Variants in CSMD1 observed in about 807,000 individuals in gnomAD.
CSMD1 encodes CUB and sushi domain-containing protein 1.
CSMD1 carries 213 observed loss-of-function variants against 417.5 expected under a neutral mutation model. That is an observed-to-expected ratio of 0.51 (90% confidence interval 0.46 to 0.57). CSMD1 has a LOEUF of 0.57. CSMD1 is among the 20% of genes least tolerant of loss of function. The pLI is 0.00. For synonymous variants in CSMD1, 2,862 were observed against 1,736.8 expected, an observed-to-expected ratio of 1.65 and a Z score of -16.11; for missense variants, 6,923 against 4,529.7, an observed-to-expected ratio of 1.53 and a Z score of -15.17.
rs546967978 is a variant in CSMD1 at position 4,103,768 on chromosome 8, A to C, written c.416-71669T>G. 8.5e-5 allele frequency among the ~76,000 whole-genome samples: 13 copies of C among 152,318 alleles called. No individual in the cohort carries two copies. The East Asian group carries it at 2.5e-3, about 29-fold the overall frequency. On this transcript the variant is annotated intron_variant, in intron 3 of 69. Coordinates refer to ENST00000635120, the MANE Select transcript of CSMD1 (RefSeq NM_033225.6). ...GAAAAGCTGAAACTTCTTATATTAC[A>C]AAAGTTACCTGCTTCAAAACAGAAT...
intron 54 of CSMD1, among the ~76,000 whole-genome samples, chr8:2,997,346 G>T (rs995432537): frequency 1.3e-5 from 2 of 152,218 alleles, no homozygotes; most frequent in African/African-American, 2.4e-5. Flanking sequence ...CTTATTTGAA[G>T]ATAGCTCCCG....
chr8:4,669,307 G>C (rs929675692), intron 1 of CSMD1, among the ~76,000 whole-genome samples: 7 of 152,130 alleles, frequency 4.6e-5, no homozygotes, highest in African/African-American at 7.2e-5. Context: ...ATCCTTACAA[G>C]AAGTTAGCTC....
chr8:4,959,318 AC>A (rs1809325713), intron 1 of CSMD1, among the ~76,000 whole-genome samples: 1 of 152,136 alleles, frequency 6.6e-6, no homozygotes, highest in Non-Finnish European at 1.5e-5. Flanking sequence ...AATTTCTGGG[AC>A]CTTCTTATTC....
chr8:3,085,369 A>G (rs551979632), intron 49 of CSMD1, among the ~76,000 whole-genome samples: 2 of 152,230 alleles, frequency 1.3e-5, no homozygotes, highest in Admixed American at 1.3e-4. Flanking sequence ...GAAAAATGAT[A>G]CTTCTTAAAT....
intron 54 of CSMD1, among the ~76,000 whole-genome samples, chr8:2,982,926 G>C (rs1172969983): frequency 2.6e-5 from 4 of 152,168 alleles, no homozygotes; most frequent in Non-Finnish European, 4.4e-5. Flanking sequence ...CTGAAGGGCA[G>C]TAACAGGGCA....
At chr8:4,453,895 C>T (rs1799312196) in intron 2 of CSMD1, among the ~76,000 whole-genome samples, 1 of 143,166 alleles carries the variant, frequency 7.0e-6, no homozygotes, top group Admixed American at 7.4e-5. Context: ...GACCTCGGCT[C>T]ACTGCCAGCT....
At chr8:3,684,758 G>C (rs535215514) in intron 7 of CSMD1, among the ~76,000 whole-genome samples, 36 of 152,196 alleles carry the variant, frequency 2.4e-4, no homozygotes, top group African/African-American at 6.5e-4. Flanking sequence ...TTTTAAAATA[G>C]AGTCAGAGCT....
intron 5 of CSMD1, among the ~76,000 whole-genome samples, chr8:3,853,408 T>A (rs996839955): frequency 6.6e-6 from 1 of 152,180 alleles, no homozygotes; most frequent in Non-Finnish European, 1.5e-5. Context: ...GCTCTATAAT[T>A]TACTTTAAAA....
rs572319851 is a variant in CSMD1 at position 3,877,706 on chromosome 8, A to C, written c.818+120197T>G. ...TGGCTTGTACATTTTATATATTTTC[A>C]TATGCAGTCACAATAAAATAGCAAG... On this transcript the variant is annotated intron_variant, in intron 5 of 69. Coordinates refer to ENST00000635120, the MANE Select transcript of CSMD1 (RefSeq NM_033225.6). 1.0e-3 allele frequency among the ~76,000 whole-genome samples: 159 copies of C among 152,310 alleles called. 1 individual carries two copies. The highest frequency in any genetic ancestry group is 1.1e-3 in the African/African-American group (46 of 41,580).
intron 7 of CSMD1, among the ~76,000 whole-genome samples, chr8:3,659,705 C>T (rs911634385): frequency 2.6e-5 from 4 of 152,088 alleles, no homozygotes; most frequent in African/African-American, 9.7e-5. Flanking sequence ...CAAACAAGCT[C>T]AAATCAGTTC....
At chr8:3,857,896 C>G (rs57687206) in intron 5 of CSMD1, among the ~76,000 whole-genome samples, 3 of 152,226 alleles carry the variant, frequency 2.0e-5, no homozygotes, top group East Asian at 1.9e-4. Flanking sequence ...GGATTGCTTC[C>G]GTCCTTAAAA....
chr8:4,789,279 G>A (rs1018175383), intron 1 of CSMD1, among the ~76,000 whole-genome samples: 8 of 152,044 alleles, frequency 5.3e-5, no homozygotes, highest in African/African-American at 9.7e-5. Context: ...TATAATCCCC[G>A]GTTTCTAATA....
intron 25 of CSMD1, among the ~76,000 whole-genome samples, chr8:3,304,699 C>G (rs570694710): frequency 1.4e-5 from 2 of 146,098 alleles, no homozygotes; most frequent in South Asian, 4.4e-4. Context: ...AAAAACTGCA[C>G]GTTTTTATTC....
At chr8:4,807,533 A>T (rs1468136460) in intron 1 of CSMD1, among the ~76,000 whole-genome samples, 1 of 152,168 alleles carries the variant, frequency 6.6e-6, no homozygotes. Flanking sequence ...AGAGAGCAGG[A>T]CACCAGTACG....
rs988861219 is a variant in CSMD1, at chr8:3,919,231, T to C, written c.818+78672A>G. On this transcript the variant is annotated intron_variant, in intron 5 of 69. Coordinates refer to ENST00000635120, the MANE Select transcript of CSMD1 (RefSeq NM_033225.6). ...AAAAAGAAAGAAATCATTGTCAAGA[T>C]CTATGCCAAGGATTTTTAAAAAATG... 8.1e-5 allele frequency among the ~76,000 whole-genome samples: 12 copies of C among 147,446 alleles called. No homozygotes were observed. In the East Asian group the frequency reaches 1.2e-3, roughly 15 times the overall value.
intron 3 of CSMD1, among the ~76,000 whole-genome samples, chr8:4,070,408 A>C (rs967892585): frequency 6.6e-6 from 1 of 152,160 alleles, no homozygotes; most frequent in Non-Finnish European, 1.5e-5. Context: ...CCCAGGCTGG[A>C]GTGCAGTGGT....
chr8:3,432,148 G>C (rs980184306), intron 12 of CSMD1, among the ~76,000 whole-genome samples: 4 of 152,162 alleles, frequency 2.6e-5, no homozygotes, highest in African/African-American at 9.7e-5. Context: ...TCAGTAGATT[G>C]CTTGGTAATA....
At chr8:2,963,488 C>A in intron 59 of CSMD1, 93 bp from the exon 60 acceptor site, 4 of 1,255,196 alleles carry the variant, frequency 3.2e-6, no homozygotes, top group South Asian at 1.3e-5. Flanking sequence ...ACCTGAATTA[C>A]AAATGACATC....
At chr8:3,875,417 G>A (rs1805750727) in intron 5 of CSMD1, among the ~76,000 whole-genome samples, 1 of 152,282 alleles carries the variant, frequency 6.6e-6, no homozygotes, top group South Asian at 2.1e-4. Context: ...ATGGATTGGA[G>A]GAGTTCCTGC....
Sources: gnomAD v4.1 joint callset for allele counts (sites outside exome capture counted in the v4.1 genomes callset) on GRCh38, gnomAD v4.1.1 for gene constraint, MANE v1.5 for transcripts, NCBI Gene and HGNC (gene_info 2026-07-23, HGNC 2026-07-21) for gene names.